The following PLCB1 variants were observed in gnomAD, a reference collection of about 807,000 sequenced individuals.
The protein encoded by PLCB1 is 1-phosphatidylinositol 4,5-bisphosphate phosphodiesterase beta-1.
In PLCB1, 46 loss-of-function variants were observed where a neutral mutation model predicts 161.8. That is an observed-to-expected ratio of 0.28 (90% CI 0.22 to 0.36). The LOEUF (loss-of-function observed/expected upper bound fraction) is 0.36. Among genes scored for constraint, PLCB1 ranks in the 10% least tolerant of loss-of-function variants. PLCB1 has a pLI of 1.00. For synonymous variants in PLCB1, 517 were observed against 503.7 expected, an observed-to-expected ratio of 1.03 and a Z score of -0.35; for missense variants, 1,016 against 1,472.5, an observed-to-expected ratio of 0.69 and a Z score of 5.07.
chr20:8,144,223 T>C (rs1476676204), intron 1 of PLCB1, among the ~76,000 whole-genome samples: 1 of 152,200 alleles, frequency 6.6e-6, no homozygotes, highest in Non-Finnish European at 1.5e-5. Context: ...TGCCACTGCA[T>C]ACCCACCAGA....
In PLCB1 at chr20:8,852,031, C is replaced by CA. The variant is rs537564056; in HGVS notation, c.3424-29584dup. 7.2e-5 allele frequency among the ~76,000 whole-genome samples: 11 copies of CA among 152,216 alleles called. No individual in the cohort carries two copies. In the South Asian group the frequency reaches 2.1e-3, roughly 29 times the overall value. On this transcript the variant is annotated intron_variant, in intron 31 of 31. Transcript: ENST00000338037. ...ACCCGACTACAGCTATCTACAACAA[C>CA]AAAAAAAGAAGCCAGATGCAAAGAA...
intron 31 of PLCB1, among the ~76,000 whole-genome samples, chr20:8,848,542 A>T (rs543823664): frequency 7.2e-5 from 11 of 152,342 alleles, no homozygotes; most frequent in African/African-American, 1.9e-4. Context: ...GCGTCTTAGG[A>T]GGTCTATGCC....
chr20:8,323,866 A>C lies in PLCB1; in HGVS notation c.178-47516A>C, dbSNP rs529098887. Reference sequence around the variant, plus strand: ...TACCATGCTTAGTCATTGCCAAAAAAAAAAAAAATCTGGCTAATTTAATGT... The same window carrying C: ...TACCATGCTTAGTCATTGCCAAAAACAAAAAAAATCTGGCTAATTTAATGT... On this transcript the variant is annotated intron_variant, in intron 2 of 31. Transcript: ENST00000338037. Among the ~76,000 whole-genome samples the C allele has an allele frequency of 2.1e-3, 318 of 152,262 alleles. 2 individuals carry two copies. The highest frequency in any genetic ancestry group is 7.1e-3 in the African/African-American group (293 of 41,554).
intron 31 of PLCB1, among the ~76,000 whole-genome samples, chr20:8,879,001 T>C (rs1325199070): frequency 6.6e-6 from 1 of 152,130 alleles, no homozygotes; most frequent in Non-Finnish European, 1.5e-5. Context: ...ATCATTGCCA[T>C]ATTTATGTCC....
At chr20:8,368,168 G>A (rs141273969) in intron 2 of PLCB1, among the ~76,000 whole-genome samples, 75 of 152,228 alleles carry the variant, frequency 4.9e-4, no homozygotes, top group Non-Finnish European at 8.1e-4. Context: ...TGGGCTTTGC[G>A]TATATAATCA....
intron 31 of PLCB1, among the ~76,000 whole-genome samples, chr20:8,795,071 G>C (rs758644024): frequency 1.3e-5 from 2 of 152,158 alleles, no homozygotes; most frequent in Non-Finnish European, 2.9e-5. Context: ...CTAAAAATTT[G>C]TTTCAATTCT....
intron 8 of PLCB1, 87 bp downstream of exon 8, chr20:8,657,371 A>G: frequency 1.3e-6 from 1 of 786,882 alleles, no homozygotes; most frequent in Admixed American, 1.7e-5. Context: ...GTAATTGGAG[A>G]TGGAAGAACA....
chr20:8,193,856 C>A (rs1000514759), intron 2 of PLCB1, among the ~76,000 whole-genome samples: 1 of 151,966 alleles, frequency 6.6e-6, no homozygotes, highest in Non-Finnish European at 1.5e-5. Context: ...ATAGTAAATG[C>A]TGTGTGGTAT....
At chr20:8,646,823 G>T (rs1367934490) in intron 5 of PLCB1, among the ~76,000 whole-genome samples, 2 of 152,232 alleles carry the variant, frequency 1.3e-5, no homozygotes, top group African/African-American at 4.8e-5. Context: ...AAGATGAGCA[G>T]CAAGGAAAGC....
chr20:8,205,557 C>G (rs1285027315), intron 2 of PLCB1, among the ~76,000 whole-genome samples: 1 of 152,164 alleles, frequency 6.6e-6, no homozygotes, highest in Non-Finnish European at 1.5e-5. Flanking sequence ...AGAACACATA[C>G]AGCTCATCTT....
At chr20:8,326,565 C>CT (rs1985162733) in intron 2 of PLCB1, among the ~76,000 whole-genome samples, 1 of 152,164 alleles carries the variant, frequency 6.6e-6, no homozygotes. Flanking sequence ...AAGTTACCTG[C>CT]TTTTTCCGAA....
chr20:8,212,031 G>A (rs1437318275), intron 2 of PLCB1, among the ~76,000 whole-genome samples: 6 of 152,010 alleles, frequency 3.9e-5, no homozygotes, highest in African/African-American at 9.7e-5. Flanking sequence ...ATGCTCCGAC[G>A]TCAGTGAACT....
At chr20:8,329,894 A>G (rs1196762960) in intron 2 of PLCB1, among the ~76,000 whole-genome samples, 1 of 152,186 alleles carries the variant, frequency 6.6e-6, no homozygotes, top group Non-Finnish European at 1.5e-5. Flanking sequence ...CCTACACAGT[A>G]GAAATGTGTA....
chr20:8,254,928 A>G (rs1981333421), intron 2 of PLCB1, among the ~76,000 whole-genome samples: 1 of 152,068 alleles, frequency 6.6e-6, no homozygotes, highest in African/African-American at 2.4e-5. Flanking sequence ...GGTTTGAAGT[A>G]ATATATTTGA....
chr20:8,560,966 G>A (rs1986122326), intron 3 of PLCB1, among the ~76,000 whole-genome samples: 1 of 151,922 alleles, frequency 6.6e-6, no homozygotes, highest in African/African-American at 2.4e-5. Context: ...GATAATTTAG[G>A]CTTGTAACTG....
At chr20:8,813,496 G>A (rs73603801) in intron 31 of PLCB1, among the ~76,000 whole-genome samples, 10,487 of 152,060 alleles carry the variant, frequency 0.069, 991 homozygotes, top group African/African-American at 0.21. Flanking sequence ...CATAATAAAA[G>A]GGGCAGAAAG....
chr20:8,625,123 C>T (rs569031322), intron 3 of PLCB1: 2 of 152,294 alleles, frequency 1.3e-5, no homozygotes, highest in East Asian at 1.9e-4. Flanking sequence ...TGAAACACAG[C>T]CACCCATTTC....
intron 2 of PLCB1, among the ~76,000 whole-genome samples, chr20:8,269,839 T>A (rs191738118): frequency 1.6e-3 from 245 of 152,236 alleles, no homozygotes; most frequent in Non-Finnish European, 2.3e-3. Flanking sequence ...TAGGAAGCTC[T>A]GAGAAATAAA....
chr20:8,609,130 G>A (rs1426067166), intron 3 of PLCB1, among the ~76,000 whole-genome samples: 1 of 152,170 alleles, frequency 6.6e-6, no homozygotes, highest in African/African-American at 2.4e-5. Context: ...CAGTAGGCAT[G>A]TCAACAGAGC....
Sources: gnomAD v4.1 joint callset for allele counts (sites outside exome capture counted in the v4.1 genomes callset) on GRCh38, gnomAD v4.1.1 for gene constraint, MANE v1.5 for transcripts, NCBI Gene and HGNC (gene_info 2026-07-23, HGNC 2026-07-21) for gene names.